Variants in CACNA2D3 observed in about 807,000 individuals in gnomAD.
CACNA2D3 encodes the protein voltage-dependent calcium channel subunit alpha-2/delta-3.
In CACNA2D3, 60 loss-of-function variants were observed where a neutral mutation model predicts 160.6. The observed-to-expected ratio is 0.37, with a 90% CI of 0.30 to 0.46. The LOEUF is 0.46. Ranked by LOEUF, CACNA2D3 falls within the 20% of genes least tolerant of loss-of-function variation. The probability of loss-of-function intolerance (pLI) is 1.00; values close to 1 mark genes in which losing one functional copy is unlikely to be tolerated. For synonymous variants in CACNA2D3, 558 were observed against 492.9 expected (o/e 1.13, Z -1.75); for missense variants, 1,205 against 1,365.0 (o/e 0.88, Z 1.85).
intron 3 of CACNA2D3, among the ~76,000 whole-genome samples, chr3:54,343,451 C>A (rs899271331): frequency 3.9e-5 from 6 of 152,094 alleles, no homozygotes; most frequent in African/African-American, 1.4e-4. Flanking sequence ...GCCCCCACGC[C>A]CAGCTAATTT....
At chr3:54,411,770 C>T (rs570016237) in intron 4 of CACNA2D3, among the ~76,000 whole-genome samples, 4 of 152,086 alleles carry the variant, frequency 2.6e-5, no homozygotes, top group African/African-American at 4.8e-5. Context: ...GTAATCCAGA[C>T]GTCATGCTAA....
At chr3:54,368,832 G>T (rs1698872136) in intron 3 of CACNA2D3, among the ~76,000 whole-genome samples, 1 of 149,822 alleles carries the variant, frequency 6.7e-6, no homozygotes, top group African/African-American at 2.4e-5. Context: ...CTCCTGAGTA[G>T]CTGGGACTAT....
chr3:54,893,670 A>G (rs1700119529), intron 25 of CACNA2D3, among the ~76,000 whole-genome samples: 1 of 152,088 alleles, frequency 6.6e-6, no homozygotes, highest in African/African-American at 2.4e-5. Context: ...CTACCCTGCA[A>G]TTATCTCATA....
At chr3:54,941,241 G>C (rs1384883842) in intron 27 of CACNA2D3, among the ~76,000 whole-genome samples, 1 of 152,144 alleles carries the variant, frequency 6.6e-6, no homozygotes, top group Non-Finnish European at 1.5e-5. Flanking sequence ...TAAAAAAACA[G>C]GGGCATATAG....
chr3:54,225,558 T>G (rs1325191414), intron 2 of CACNA2D3, among the ~76,000 whole-genome samples: 1 of 152,248 alleles, frequency 6.6e-6, no homozygotes, highest in Non-Finnish European at 1.5e-5. Context: ...TGCACTGACA[T>G]TCTTTAACAT....
intron 4 of CACNA2D3, among the ~76,000 whole-genome samples, chr3:54,388,182 GA>G (rs1699221764): frequency 6.6e-6 from 1 of 152,212 alleles, no homozygotes; most frequent in African/African-American, 2.4e-5. Context: ...CTGAAGAGAG[GA>G]AAACTAGGGT....
At chr3:54,852,500 A>G (rs1699080569) in intron 17 of CACNA2D3, among the ~76,000 whole-genome samples, 2 of 152,288 alleles carry the variant, frequency 1.3e-5, no homozygotes, top group South Asian at 2.1e-4. Flanking sequence ...CCTCCGCTGG[A>G]ATTTAATATT....
At chr3:54,222,883 T>C (rs1701601923) in intron 2 of CACNA2D3, among the ~76,000 whole-genome samples, 1 of 152,234 alleles carries the variant, frequency 6.6e-6, no homozygotes, top group African/African-American at 2.4e-5. Context: ...TTTTTAACTT[T>C]TAGAGAATTT....
chr3:54,535,213 C>G (rs1701870171), intron 5 of CACNA2D3, among the ~76,000 whole-genome samples: 1 of 152,194 alleles, frequency 6.6e-6, no homozygotes, highest in Non-Finnish European at 1.5e-5. Context: ...GGGTCCTCCC[C>G]CAGATCTACT....
At chr3:54,657,574 A>G (rs1420448145) in intron 11 of CACNA2D3, among the ~76,000 whole-genome samples, 2 of 152,102 alleles carry the variant, frequency 1.3e-5, no homozygotes, top group African/African-American at 4.8e-5. Flanking sequence ...TTTGTTATCT[A>G]CTTGTATACC....
chr3:54,201,824 A>G (rs1250163012), intron 2 of CACNA2D3, among the ~76,000 whole-genome samples: 1 of 152,240 alleles, frequency 6.6e-6, no homozygotes, highest in Non-Finnish European at 1.5e-5. Flanking sequence ...GGACAAAGGT[A>G]TAAAAACAGG....
rs531624566 is a variant in CACNA2D3 at position 54,670,593 on chromosome 3, G to A, written c.1167+28352G>A. ...GCAGGAGTGAGGGGAGGCAGCTAGG[G>A]CTGTGAGTGACAAGGTGGAATGAAG... On this transcript the variant is annotated intron_variant, in intron 11 of 37. Transcript: ENST00000474759. Among the ~76,000 whole-genome samples, 3 of 152,172 alleles carry A rather than the reference G, an allele frequency of 2.0e-5. No homozygotes were observed. In the South Asian group the frequency reaches 6.2e-4, roughly 32 times the overall value.
At chr3:54,996,634 G>T in intron 31 of CACNA2D3, among the ~76,000 whole-genome samples, 1 of 152,140 alleles carries the variant, frequency 6.6e-6, no homozygotes, top group East Asian at 1.9e-4. Context: ...CTGCTCTCCA[G>T]GACAATGGGA....
intron 11 of CACNA2D3, among the ~76,000 whole-genome samples, chr3:54,685,883 A>C (rs1245246065): frequency 6.6e-6 from 1 of 152,206 alleles, no homozygotes; most frequent in Non-Finnish European, 1.5e-5. Flanking sequence ...TCATTAACTT[A>C]TATACACATG....
chr3:54,857,625 G>A (rs1289811056), intron 17 of CACNA2D3, among the ~76,000 whole-genome samples: 1 of 152,164 alleles, frequency 6.6e-6, no homozygotes, highest in Non-Finnish European at 1.5e-5. Context: ...GTCCCTGCGG[G>A]TATTTCCTGG....
chr3:54,128,899 G>C (rs1276774642), intron 2 of CACNA2D3, among the ~76,000 whole-genome samples: 7 of 152,144 alleles, frequency 4.6e-5, no homozygotes, highest in African/African-American at 1.7e-4. Context: ...TTATACAAGA[G>C]ACATAACGGC....
At chr3:54,577,437 T>C (rs1702603277) in intron 8 of CACNA2D3, among the ~76,000 whole-genome samples, 1 of 152,138 alleles carries the variant, frequency 6.6e-6, no homozygotes, top group Non-Finnish European at 1.5e-5. Context: ...CCTGATGACA[T>C]GGCATCTTAT....
At chr3:54,225,721 A>C (rs2107384235) in intron 2 of CACNA2D3, among the ~76,000 whole-genome samples, 2 of 151,936 alleles carry the variant, frequency 1.3e-5, no homozygotes, top group East Asian at 3.9e-4. Context: ...AGTTATTTTA[A>C]AGCCTGTGTC....
At chr3:54,808,200 TATA>T (rs1575487044) in intron 13 of CACNA2D3, among the ~76,000 whole-genome samples, 2 of 151,936 alleles carry the variant, frequency 1.3e-5, no homozygotes. Flanking sequence ...CAATTTAAAG[TATA>T]ATAATAATTT....
Sources: allele counts gnomAD v4.1 joint callset (sites outside exome capture counted in the v4.1 genomes callset), GRCh38; gene constraint gnomAD v4.1.1; transcripts MANE v1.5; gene names NCBI Gene and HGNC (gene_info 2026-07-23, HGNC 2026-07-21).